The following SPAG9 variants were observed in gnomAD, a reference collection of about 807,000 sequenced individuals.
SPAG9 encodes C-Jun-amino-terminal kinase-interacting protein 4.
SPAG9 carries 35 observed loss-of-function variants against 166.5 expected under a neutral mutation model. The observed-to-expected ratio is 0.21, with a 90% CI of 0.16 to 0.28. The LOEUF (loss-of-function observed/expected upper bound fraction) is 0.28, where lower values mean the gene tolerates loss of function less well. Ranked by LOEUF, SPAG9 falls within the 10% of genes least tolerant of loss-of-function variation. SPAG9 has a pLI of 1.00. For synonymous variants in SPAG9, 534 were observed against 565.5 expected (o/e 0.94, Z 0.79); for missense variants, 1,235 against 1,603.3 (o/e 0.77, Z 3.92).
intron 28 of SPAG9, 59 bp from the exon 29 acceptor site, chr17:50,970,915 T>G (rs1567947885): frequency 7.1e-7 from 1 of 1,412,840 alleles, no homozygotes; most frequent in African/African-American, 1.5e-5. Flanking sequence ...GCTGTTTTGT[T>G]TTTTTTTTTT....
At chr17:51,040,348 G>A (rs1472717257) in intron 5 of SPAG9, 1 of 152,134 alleles carries the variant, frequency 6.6e-6, no homozygotes, top group East Asian at 1.9e-4. Context: ...GGCAAGAAGG[G>A]AGAAAAGGTA....
At chr17:51,089,473 G>A (rs951920786) in intron 1 of SPAG9, among the ~76,000 whole-genome samples, 4 of 149,752 alleles carry the variant, frequency 2.7e-5, no homozygotes, top group East Asian at 3.9e-4. Flanking sequence ...CAGGTGCACC[G>A]AAATCTCGGA....
At position 50,984,827 on chromosome 17, in the gene SPAG9, CTGAG is replaced by C. The variant is rs1974920772; in HGVS notation, c.3088+92_3088+95del. ...GTATTGTTAGTATTTATTCTTTAAA[CTGAG>C]TATCATTTCTTTAAAACATAAACCA... On this transcript the variant is annotated intron_variant, in intron 24 of 29. Transcript: ENST00000262013. The C allele has an allele frequency of 1.3e-5, 12 of 936,994 alleles. No homozygotes were observed. In the South Asian group the frequency reaches 1.3e-4, roughly 11 times the overall value. The allele number at this position is 936,994 out of a possible 1,614,324, so 58.0% of individuals were successfully genotyped here. A position where few individuals can be genotyped will look rare whatever the true frequency, so the allele number is the denominator to read the frequency against.
chr17:51,080,883 T>C (rs947022932), intron 1 of SPAG9, among the ~76,000 whole-genome samples: 2 of 61,304 alleles, frequency 3.3e-5, no homozygotes, highest in African/African-American at 1.1e-4. Flanking sequence ...CAAGACTCTA[T>C]CTCAAAAAAA....
chr17:51,105,662 G>A (rs190650892), intron 1 of SPAG9, among the ~76,000 whole-genome samples: 95 of 152,052 alleles, frequency 6.2e-4, no homozygotes, highest in African/African-American at 2.3e-3. Flanking sequence ...GAGGTCAGGA[G>A]ATCGAGGCCA....
At chr17:51,062,242 AT>A (rs944091321) in intron 2 of SPAG9, among the ~76,000 whole-genome samples, 1 of 152,216 alleles carries the variant, frequency 6.6e-6, no homozygotes. Context: ...TCAGAGTGGT[AT>A]ACCTTTTACA....
intron 21 of SPAG9, 92 bp downstream of exon 21, chr17:50,989,585 T>A (rs1310135217): frequency 2.1e-6 from 2 of 955,864 alleles, no homozygotes; most frequent in Non-Finnish European, 3.3e-6. Flanking sequence ...TGACACTAAT[T>A]AGTGGAAATC....
In SPAG9 at chr17:50,974,860, C is replaced by T. The variant is rs1160909038; in HGVS notation, c.3611G>A (p.Gly1204Glu). The change falls in exon 28 of 30, where the codon GGG (glycine) becomes GAG (glutamate). Residue 1204 changes from glycine (G) to glutamate (E), a missense_variant. Around this residue, in one of 6 missense-constraint regions of SPAG9, gnomAD observed 243 missense variants for 358.6 expected, o/e 0.68. Transcript: ENST00000262013. ...GDENSDKVTP[G>E]TFIPYCSMAH... ...CATTGAACAATAGGGTATAAATGTC[C>T]CTGGAGTCACTTTATCACTGTTTTC... is the stretch of plus-strand genomic sequence containing the variant. The T allele has an allele frequency of 1.9e-6, 3 of 1,612,184 alleles. No homozygotes were observed. In the South Asian group the frequency reaches 3.3e-5, roughly 18 times the overall value.
intron 29 of SPAG9, among the ~76,000 whole-genome samples, chr17:50,967,039 GTTC>G (rs1242917349): frequency 6.6e-6 from 1 of 152,220 alleles, no homozygotes; most frequent in African/African-American, 2.4e-5. Flanking sequence ...CAAGATACAG[GTTC>G]TTCTGCATCA....
chr17:51,049,245 T>C (rs1314268409), intron 3 of SPAG9, among the ~76,000 whole-genome samples: 1 of 151,726 alleles, frequency 6.6e-6, no homozygotes, highest in Non-Finnish European at 1.5e-5. Context: ...CACTCGCCTA[T>C]AGTCCCTACT....
rs191188191 is a variant in SPAG9 at position 51,083,993 on chromosome 17, G to A, written c.304-4289C>T. ...GGACTTCTGGGGAAATCAAGTCACTGTTTATTTTTCAGAATATTCAAGATG... is the reference window on the plus strand; with the variant it reads ...GGACTTCTGGGGAAATCAAGTCACTATTTATTTTTCAGAATATTCAAGATG... On this transcript the variant is annotated intron_variant, in intron 1 of 29. Transcript: ENST00000262013. The A allele has an allele frequency of 9.5e-4, 144 of 152,136 alleles. 1 individual carries two copies. Among genetic ancestry groups the A allele is most frequent in the African/African-American group, 3.0e-3 (123 of 41,504 alleles). The allele number at this position is 152,136 out of a possible 1,614,324, so 9.4% of individuals were successfully genotyped here.
At chr17:51,112,682 A>AT (rs1178871265) in intron 1 of SPAG9, among the ~76,000 whole-genome samples, 2 of 135,846 alleles carry the variant, frequency 1.5e-5, no homozygotes, top group Non-Finnish European at 3.0e-5. Flanking sequence ...AAAAAAAAAA[A>AT]AAAAAAAAAA....
At chr17:51,079,471 C>A in intron 2 of SPAG9, 113 bp downstream of exon 2, 1 of 933,244 alleles carries the variant, frequency 1.1e-6, no homozygotes, top group Non-Finnish European at 1.6e-6. Context: ...ACTCCTGAAC[C>A]CAAGTGATCC....
chr17:51,006,066 C>A lies in SPAG9; in HGVS notation c.1424+19G>T. On this transcript the variant is annotated intron_variant, in intron 11 of 29. Coordinates refer to ENST00000262013, the MANE Select transcript of SPAG9 (RefSeq NM_001130528.3). The stretch of plus-strand genomic sequence containing the variant: ...AACTGGCAAAGAGTTTGGTTTAGAA[C>A]AACACAGTTAAAACTTACTTCCTAA... The A allele has an allele frequency of 1.2e-6, 2 of 1,613,446 alleles. No individual in the cohort carries two copies. Among genetic ancestry groups the A allele is most frequent in the Non-Finnish European group, 8.5e-7 (1 of 1,179,528 alleles).
chr17:50,991,046 A>C (rs1975503202), intron 19 of SPAG9, among the ~76,000 whole-genome samples: 1 of 151,762 alleles, frequency 6.6e-6, no homozygotes, highest in Non-Finnish European at 1.5e-5. Context: ...AGCTGGGACT[A>C]CCGGTGTGAG....
At chr17:51,110,994 T>C (rs1268408253) in intron 1 of SPAG9, among the ~76,000 whole-genome samples, 4 of 151,912 alleles carry the variant, frequency 2.6e-5, no homozygotes, top group African/African-American at 4.8e-5. Context: ...CGGGCGCCTG[T>C]AGTCCCAGCT....
intron 2 of SPAG9, among the ~76,000 whole-genome samples, chr17:51,062,595 T>G (rs369595820): frequency 7.0e-4 from 107 of 152,274 alleles, no homozygotes; most frequent in African/African-American, 2.4e-3. Context: ...CATATCTTTT[T>G]TTTGTTTGTT....
At chr17:50,997,610 A>C (rs1283787846) in intron 15 of SPAG9, among the ~76,000 whole-genome samples, 1 of 152,228 alleles carries the variant, frequency 6.6e-6, no homozygotes, top group African/African-American at 2.4e-5. Context: ...GTTGCTATGT[A>C]TATATACCAC....
At chr17:51,064,234 T>C (rs752542555) in intron 2 of SPAG9, among the ~76,000 whole-genome samples, 13 of 152,350 alleles carry the variant, frequency 8.5e-5, no homozygotes, top group South Asian at 6.2e-4. Context: ...ATGACTAATA[T>C]ACTACCTACT....
Sources: gnomAD v4.1 joint callset for allele counts (sites outside exome capture counted in the v4.1 genomes callset) on GRCh38, gnomAD v4.1.1 for gene constraint, gnomAD v4.1.1 regional missense constraint, MANE v1.5 for transcripts, NCBI Gene and HGNC (gene_info 2026-07-23, HGNC 2026-07-21) for gene names.